The following HFM1 variants were observed in gnomAD, a reference collection of about 807,000 sequenced individuals.
HFM1 encodes probable ATP-dependent DNA helicase HFM1.
In HFM1, 169 loss-of-function variants were observed where a neutral mutation model predicts 192.1. The ratio of observed to expected loss-of-function variants is 0.88; its 90% CI spans 0.78 to 1.00. HFM1 has a LOEUF of 1.00. Among genes scored for constraint, HFM1 ranks in the 50% least tolerant of loss-of-function variants. HFM1 has a pLI of 0.00. For synonymous variants in HFM1, 525 were observed against 537.8 expected, an observed-to-expected ratio of 0.98 and a Z score of 0.33; for missense variants, 1,661 against 1,668.0, an observed-to-expected ratio of 1.00 and a Z score of 0.07.
At chr1:91,381,967 A>G (rs892049376) in intron 6 of HFM1, among the ~76,000 whole-genome samples, 6 of 152,062 alleles carry the variant, frequency 3.9e-5, no homozygotes, top group Non-Finnish European at 5.9e-5. Flanking sequence ...AAGGCTCCAC[A>G]TGATCGTCTC....
chr1:91,387,045 T>C (rs1454118462), intron 4 of HFM1, among the ~76,000 whole-genome samples: 2 of 152,198 alleles, frequency 1.3e-5, no homozygotes, highest in Non-Finnish European at 2.9e-5. Flanking sequence ...CAAAAGACAA[T>C]CTATCGAAGT....
intron 20 of HFM1, among the ~76,000 whole-genome samples, chr1:91,335,992 G>A (rs984913043): frequency 6.9e-6 from 1 of 144,958 alleles, no homozygotes; most frequent in Non-Finnish European, 1.5e-5. Flanking sequence ...TTCCCTCCTT[G>A]TAAGCTAAGA....
intron 30 of HFM1, among the ~76,000 whole-genome samples, chr1:91,296,603 G>C (rs1159297586): frequency 6.6e-6 from 1 of 152,024 alleles, no homozygotes; most frequent in African/African-American, 2.4e-5. Context: ...TGAATATAAA[G>C]ATTAATTTGG....
chr1:91,277,560 A>C (rs1292596620), intron 30 of HFM1, among the ~76,000 whole-genome samples: 1 of 125,040 alleles, frequency 8.0e-6, no homozygotes, highest in Non-Finnish European at 1.6e-5. Flanking sequence ...TATATACTTT[A>C]AATATGTATA....
chr1:91,395,386 G>A (rs982548914), intron 3 of HFM1, among the ~76,000 whole-genome samples: 1 of 152,106 alleles, frequency 6.6e-6, no homozygotes, highest in African/African-American at 2.4e-5. Context: ...GTATGTATGT[G>A]TATTATATGT....
chr1:91,358,116 G>A (rs1055478708), intron 13 of HFM1, among the ~76,000 whole-genome samples: 6 of 152,062 alleles, frequency 3.9e-5, no homozygotes, highest in African/African-American at 9.7e-5. Context: ...TTGGGATGCC[G>A]AGATGGGTGG....
rs866734042 is a variant in HFM1 at position 91,261,208 on chromosome 1, T to G, written c.*82A>C. Reference sequence around the variant, plus strand: ...GAAAAAAATCCGAACAATTATGAACTACTTTTTAAAAATAAAAAGCATGCT... The same window carrying G: ...GAAAAAAATCCGAACAATTATGAACGACTTTTTAAAAATAAAAAGCATGCT... On this transcript the variant is annotated 3_prime_UTR_variant, in exon 39 of 39. Coordinates refer to ENST00000370425, the MANE Select transcript of HFM1 (RefSeq NM_001017975.6). 3.5e-6 allele frequency: 2 copies of G among 575,428 alleles called. No homozygotes were observed. Among genetic ancestry groups the G allele is most frequent in the Middle Eastern group, 8.5e-4 (2 of 2,360 alleles). 35.6% of individuals were successfully genotyped at this position (575,428 alleles called of 1,614,324 possible). A position where few individuals can be genotyped will look rare whatever the true frequency, so the allele number is the denominator to read the frequency against.
Position 91,324,734 on chromosome 1 carries a change from T to G in HFM1, c.2368A>C (p.Thr790Pro), listed in dbSNP as rs778191362. 6.4e-7 allele frequency: 1 copy of G among 1,573,576 alleles called. No homozygotes were observed. The highest frequency in any genetic ancestry group is 8.7e-7 in the Non-Finnish European group (1 of 1,143,696). ...AGRLMAWYYI[T>P]FETVKKFYTI... ...TAAAATTTCTTCACTGTCTCAAATGTAATATAATACCAAGCCATCAATCTT... is the reference window on the plus strand; with the variant it reads ...TAAAATTTCTTCACTGTCTCAAATGGAATATAATACCAAGCCATCAATCTT... The change falls in exon 21 of 39, where the codon ACA (threonine) becomes CCA (proline). Residue 790 changes from threonine to proline, a missense_variant. Coordinates refer to ENST00000370425, the MANE Select transcript of HFM1 (RefSeq NM_001017975.6).
rs200535976 is a variant in HFM1, at chr1:91,262,516, T to C, written c.4051A>G (p.Thr1351Ala). 53 of 1,606,914 alleles carry C rather than the reference T, an allele frequency of 3.3e-5. No homozygotes were observed. In the Middle Eastern group the frequency reaches 5.0e-4, roughly 15 times the overall value. Reference sequence around the variant, plus strand: ...TTTCCGGCTTGTTGAGGTAATTTTGTCATGGAGGATGCACTGAACTTGGGC... The same window carrying C: ...TTTCCGGCTTGTTGAGGTAATTTTGCCATGGAGGATGCACTGAACTTGGGC... ...AMPKFSASSM[T>A]KLPQQAGNAV... Residue 1351 changes from threonine to alanine, a missense_variant, in exon 37 of 39, where the codon ACA (threonine) becomes GCA (alanine). Coordinates refer to ENST00000370425, the MANE Select transcript of HFM1 (RefSeq NM_001017975.6).
chr1:91,360,479 G>GC (rs1658350351), intron 13 of HFM1, among the ~76,000 whole-genome samples: 2 of 152,086 alleles, frequency 1.3e-5, no homozygotes, highest in South Asian at 4.1e-4. Context: ...AGGGATCAAT[G>GC]CAACAAGAAG....
At chr1:91,265,447 C>T (rs985951292) in intron 36 of HFM1, among the ~76,000 whole-genome samples, 14 of 152,150 alleles carry the variant, frequency 9.2e-5, no homozygotes, top group Non-Finnish European at 1.5e-4. Flanking sequence ...AGTGGCTGCT[C>T]CCTTTAGATG....
At chr1:91,371,240 AC>A (rs1660148044) in intron 13 of HFM1, among the ~76,000 whole-genome samples, 1 of 151,734 alleles carries the variant, frequency 6.6e-6, no homozygotes, top group Non-Finnish European at 1.5e-5. Flanking sequence ...GGAAAAAACT[AC>A]TTTAAAGTTC....
chr1:91,407,179 G>C (rs1365573949), upstream of HFM1, among the ~76,000 whole-genome samples: 1 of 152,112 alleles, frequency 6.6e-6, no homozygotes, highest in Non-Finnish European at 1.5e-5. Flanking sequence ...CATTCAGGGA[G>C]GGGAACTTCA....
intron 18 of HFM1, 134 bp downstream of exon 18, chr1:91,350,604 A>T: frequency 1.4e-6 from 1 of 700,446 alleles, no homozygotes; most frequent in Non-Finnish European, 2.3e-6. Context: ...CTCTAAATGT[A>T]TTTGGGACTG....
chr1:91,377,890 C>T, intron 11 of HFM1, 135 bp downstream of exon 11: 1 of 797,854 alleles, frequency 1.3e-6, no homozygotes, highest in Non-Finnish European at 2.1e-6. Context: ...TTTATGAGAT[C>T]TAGCCACAAC....
At chr1:91,297,467 A>C (rs1647834213) in intron 30 of HFM1, among the ~76,000 whole-genome samples, 1 of 152,220 alleles carries the variant, frequency 6.6e-6, no homozygotes. Flanking sequence ...ATGCAGCTGG[A>C]GATCTGAGAA....
At chr1:91,402,523 G>A (rs1239405821) in intron 1 of HFM1, among the ~76,000 whole-genome samples, 1 of 152,060 alleles carries the variant, frequency 6.6e-6, no homozygotes, top group African/African-American at 2.4e-5. Context: ...TTGACTATAC[G>A]AAAAATAGAA....
chr1:91,383,630 T>C (rs1250695292), intron 6 of HFM1, among the ~76,000 whole-genome samples: 1 of 152,194 alleles, frequency 6.6e-6, no homozygotes, highest in Non-Finnish European at 1.5e-5. Context: ...TAGATTTCTC[T>C]AGCACAGCTA....
At chr1:91,311,384 G>T (rs899736533) in intron 30 of HFM1, among the ~76,000 whole-genome samples, 3 of 152,130 alleles carry the variant, frequency 2.0e-5, no homozygotes, top group Non-Finnish European at 2.9e-5. Flanking sequence ...CCAGCACTTC[G>T]GGAGGCCGAG....
Sources: allele counts gnomAD v4.1 joint callset (sites outside exome capture counted in the v4.1 genomes callset), GRCh38; gene constraint gnomAD v4.1.1; transcripts MANE v1.5; gene names NCBI Gene and HGNC (gene_info 2026-07-23, HGNC 2026-07-21).